DGKB: variants seen among roughly 807,000 people sequenced by gnomAD.
DGKB encodes diacylglycerol kinase beta, also known as 90 kDa diacylglycerol kinase.
In DGKB, 67 loss-of-function variants were observed where a neutral mutation model predicts 114.3. The ratio of observed to expected loss-of-function variants is 0.59; its 90% CI spans 0.48 to 0.72. The LOEUF (loss-of-function observed/expected upper bound fraction) is 0.72. Among genes scored for constraint, DGKB ranks in the 30% least tolerant of loss-of-function variants. The pLI is 0.00. For missense variants in DGKB, 907 were observed against 975.2 expected, an observed-to-expected ratio of 0.93 and a Z score of 0.93; for synonymous variants, 398 against 323.1, an observed-to-expected ratio of 1.23 and a Z score of -2.49.
intron 20 of DGKB, among the ~76,000 whole-genome samples, chr7:14,554,249 A>G (rs1014712677): frequency 1.3e-5 from 2 of 152,130 alleles, no homozygotes; most frequent in African/African-American, 4.8e-5. Flanking sequence ...ACATTTCTTG[A>G]GCACTACTGT....
chr7:14,868,418 T>C (rs1482597814), intron 1 of DGKB, among the ~76,000 whole-genome samples: 1 of 150,178 alleles, frequency 6.7e-6, no homozygotes, highest in Non-Finnish European at 1.5e-5. Context: ...CACTGCAATG[T>C]CCATCTCCTG....
At chr7:14,508,587 A>G (rs1301961128) in intron 20 of DGKB, among the ~76,000 whole-genome samples, 2 of 152,196 alleles carry the variant, frequency 1.3e-5, no homozygotes, top group African/African-American at 4.8e-5. Flanking sequence ...AATGCTCCTT[A>G]GCAACTACTG....
chr7:14,202,012 C>G (rs1054362185), intron 23 of DGKB, among the ~76,000 whole-genome samples: 1 of 151,882 alleles, frequency 6.6e-6, no homozygotes, highest in African/African-American at 2.4e-5. Context: ...TGAGTACTAG[C>G]TAGGAACAAA....
intron 1 of DGKB, among the ~76,000 whole-genome samples, chr7:14,858,741 C>A (rs1029635502): frequency 5.9e-5 from 9 of 152,042 alleles, no homozygotes; most frequent in African/African-American, 2.2e-4. Context: ...TGAGTAGGAG[C>A]TTTAGGTAAT....
rs200805302 is a variant in DGKB, at chr7:14,713,889, TTGA to T, written c.466+4650_466+4652del. 9.8e-3 allele frequency among the ~76,000 whole-genome samples: 1,492 copies of T among 152,204 alleles called. 6 individuals carry two copies. Among genetic ancestry groups the T allele is most frequent in the Non-Finnish European group, 0.016 (1,075 of 67,988 alleles). On this transcript the variant is annotated intron_variant, in intron 6 of 25. Transcript: ENST00000402815. Reference sequence around the variant, plus strand: ...AAATTCTTGTTAAATAATTGATAACTTGATAAGCACAAATTCAAAAGTGAATAT... The same window carrying T: ...AAATTCTTGTTAAATAATTGATAACTTAAGCACAAATTCAAAAGTGAATAT...
intron 2 of DGKB, among the ~76,000 whole-genome samples, chr7:14,782,127 C>T (rs1203888933): frequency 6.6e-6 from 1 of 151,996 alleles, no homozygotes; most frequent in East Asian, 1.9e-4. Flanking sequence ...CAGGCTCAAG[C>T]AATTCTCATG....
At chr7:14,246,700 A>G (rs911052130) in intron 23 of DGKB, among the ~76,000 whole-genome samples, 1 of 152,130 alleles carries the variant, frequency 6.6e-6, no homozygotes, top group African/African-American at 2.4e-5. Context: ...AGGTATAAAT[A>G]TTGTATATAT....
At chr7:14,535,816 C>T (rs1488186856) in intron 20 of DGKB, among the ~76,000 whole-genome samples, 1 of 151,918 alleles carries the variant, frequency 6.6e-6, no homozygotes, top group Admixed American at 6.6e-5. Flanking sequence ...CGAACTCTTG[C>T]CCTCGTGATC....
At chr7:14,432,540 CCT>C (rs1212273037) in intron 21 of DGKB, among the ~76,000 whole-genome samples, 1 of 152,124 alleles carries the variant, frequency 6.6e-6, no homozygotes, top group African/African-American at 2.4e-5. Context: ...TTAGTTCTCC[CCT>C]CTCTAAATAG....
At chr7:14,488,884 CAAA>C (rs1238881734) in intron 20 of DGKB, among the ~76,000 whole-genome samples, 3 of 138,236 alleles carry the variant, frequency 2.2e-5, no homozygotes, top group Non-Finnish European at 4.7e-5. Flanking sequence ...ACAACAACAA[CAAA>C]AATTATTTTC....
intron 17 of DGKB, among the ~76,000 whole-genome samples, chr7:14,601,539 C>G (rs1263877579): frequency 1.3e-5 from 2 of 152,090 alleles, no homozygotes; most frequent in African/African-American, 4.8e-5. Flanking sequence ...TTGTCAAATC[C>G]TTAATTTTTG....
chr7:14,560,756 T>C lies in DGKB; in HGVS notation c.1770+13456A>G, dbSNP rs1796538050. Among the ~76,000 whole-genome samples, 4 of 152,208 alleles carry C rather than the reference T, an allele frequency of 2.6e-5. No individual in the cohort carries two copies. The South Asian group carries it at 8.3e-4, about 32-fold the overall frequency. On this transcript the variant is annotated intron_variant, in intron 20 of 25. Coordinates refer to ENST00000402815, the MANE Select transcript of DGKB (RefSeq NM_001350709.2). ...ATTGCTGAATTATACAACAGTTCTA[T>C]TTTTCATTTTTTGAGAAACCTCCAC...
chr7:14,929,986 C>A (rs1268990733), intron 1 of DGKB, among the ~76,000 whole-genome samples: 1 of 152,134 alleles, frequency 6.6e-6, no homozygotes, highest in Non-Finnish European at 1.5e-5. Context: ...TGTGTCCTTT[C>A]CCCAATATGT....
intron 5 of DGKB, among the ~76,000 whole-genome samples, chr7:14,734,063 T>C (rs1240037386): frequency 6.6e-6 from 1 of 151,034 alleles, no homozygotes; most frequent in Non-Finnish European, 1.5e-5. Context: ...TGAAATGGAG[T>C]CTCGCTCTGT....
intron 13 of DGKB, among the ~76,000 whole-genome samples, chr7:14,672,014 T>C (rs1471013756): frequency 6.6e-6 from 1 of 152,034 alleles, no homozygotes; most frequent in Non-Finnish European, 1.5e-5. Flanking sequence ...ATTTTTGTAG[T>C]TTGAGAAAAT....
chr7:14,321,603 G>GAA (rs1164711723), intron 23 of DGKB, among the ~76,000 whole-genome samples: 42 of 44,504 alleles, frequency 9.4e-4, no homozygotes, highest in African/African-American at 2.4e-3. Flanking sequence ...AGAGAAATAA[G>GAA]AAAAAAAAAA....
At chr7:14,433,175 A>C (rs993584603) in intron 21 of DGKB, among the ~76,000 whole-genome samples, 3 of 152,146 alleles carry the variant, frequency 2.0e-5, no homozygotes, top group African/African-American at 7.2e-5. Context: ...AGGAAGATAA[A>C]AGACTTGGTT....
At chr7:14,835,716 G>A (rs7777002) in intron 2 of DGKB, among the ~76,000 whole-genome samples, 12,705 of 152,134 alleles carry the variant, frequency 0.084, 896 homozygotes, top group East Asian at 0.29. Flanking sequence ...TTTCAGGACC[G>A]AGATATCGTA....
intron 20 of DGKB, among the ~76,000 whole-genome samples, chr7:14,529,910 T>C (rs1189554528): frequency 6.6e-6 from 1 of 151,788 alleles, no homozygotes; most frequent in African/African-American, 2.4e-5. Context: ...ATTAGTTAGA[T>C]ACAAATACTT....
Sources: gnomAD v4.1 joint callset for allele counts (sites outside exome capture counted in the v4.1 genomes callset) on GRCh38, gnomAD v4.1.1 for gene constraint, MANE v1.5 for transcripts, NCBI Gene and HGNC (gene_info 2026-07-23, HGNC 2026-07-21) for gene names.